GABRR3: variants seen among roughly 807,000 people sequenced by gnomAD.
GABRR3 encodes gamma-aminobutyric acid receptor subunit rho-3.
In GABRR3, 29 loss-of-function variants were observed where a neutral mutation model predicts 43.2. The observed-to-expected ratio is 0.67, with a 90% CI of 0.50 to 0.92. GABRR3 has a LOEUF of 0.92. Among genes scored for constraint, GABRR3 ranks in the 40% least tolerant of loss-of-function variants. GABRR3 has a pLI of 0.00. For missense variants in GABRR3, 576 were observed against 572.3 expected (o/e 1.01, Z -0.07); for synonymous variants, 206 against 195.9 (o/e 1.05, Z -0.43).
chr3:97,986,901 G>A lies in GABRR3; in HGVS notation c.1186C>T (p.Gln396Ter), dbSNP rs1706394101. ...TCTGAGTTTAGAGAGAGGGAAGTCT[G>A]GTCCATGTCAATCTCGCTGTCATGG... The change falls in exon 10 of 10, where the codon CAG (glutamine) becomes TAG (stop). Residue 396 changes from glutamine (Q) to a stop codon, truncating the protein, a stop_gained. Coordinates refer to ENST00000621172, the Ensembl canonical transcript of GABRR3. LOFTEE classifies it high-confidence loss of function. 2.5e-6 allele frequency: 4 copies of A among 1,611,384 alleles called. No individual in the cohort carries two copies. Among genetic ancestry groups the A allele is most frequent in the Non-Finnish European group, 8.5e-7 (1 of 1,178,734 alleles).
chr3:98,001,908 G>T, intron 7 of GABRR3, 141 bp from the exon 8 acceptor site: 1 of 773,200 alleles, frequency 1.3e-6, no homozygotes, highest in Non-Finnish European at 2.1e-6. Context: ...GTTGGGCCTG[G>T]CACTCCATCA....
intron 4 of GABRR3, 23 bp from the exon 5 acceptor site, chr3:98,012,590 C>CAA (rs11426005): frequency 5.1e-5 from 77 of 1,523,410 alleles, no homozygotes; most frequent in Admixed American, 1.9e-4. Context: ...AAAAAGAGAC[C>CAA]AAAAAAACCA....
intron 7 of GABRR3, among the ~76,000 whole-genome samples, chr3:98,005,257 T>C (rs1706711391): frequency 6.6e-6 from 1 of 151,472 alleles, no homozygotes. Context: ...TGCACAGATA[T>C]GTATATAAGC....
chr3:97,992,777 T>A (rs1224581755), intron 9 of GABRR3, 75 bp downstream of exon 9: 1 of 1,365,202 alleles, frequency 7.3e-7, no homozygotes, highest in Non-Finnish European at 1.0e-6. Flanking sequence ...TACAACACTG[T>A]CAAGAGAGGG....
At chr3:98,027,720 A>G (rs1190938339) in intron 2 of GABRR3, among the ~76,000 whole-genome samples, 1 of 152,246 alleles carries the variant, frequency 6.6e-6, no homozygotes, top group Non-Finnish European at 1.5e-5. Context: ...TGTTGCTTAA[A>G]TACGCTTTTA....
At chr3:98,034,898 T>G in exon 2 of GABRR3, 1 of 1,613,170 alleles carries the variant, frequency 6.2e-7, no homozygotes, top group Non-Finnish European at 8.5e-7. Flanking sequence ...ACCGCTGGTG[T>G]GTCATCTTGA....
At chr3:98,011,049 G>A (rs1243702040) in intron 5 of GABRR3, among the ~76,000 whole-genome samples, 2 of 152,150 alleles carry the variant, frequency 1.3e-5, no homozygotes, top group African/African-American at 2.4e-5. Flanking sequence ...GCAGTGAGCT[G>A]AGATTGTGCC....
At position 97,993,050 on chromosome 3, in the gene GABRR3, T is replaced by C; in HGVS notation, c.908-2A>G. The C allele has an allele frequency of 6.3e-7, 1 of 1,586,128 alleles. No individual in the cohort carries two copies. Among genetic ancestry groups the C allele is most frequent in the Non-Finnish European group, 8.6e-7 (1 of 1,164,666 alleles). On this transcript the variant is annotated splice_acceptor_variant, in intron 8 of 9. Coordinates refer to ENST00000621172, the Ensembl canonical transcript of GABRR3. LOFTEE classifies it high-confidence loss of function. The stretch of plus-strand genomic sequence containing the variant: ...ACATGGTCAGCACTGTGGTGATTCC[T>C]GCCATTTGAGAATAGTGGCAAGCTC...
At chr3:97,989,130 ATGG>A (rs1706428478) in intron 9 of GABRR3, among the ~76,000 whole-genome samples, 1 of 139,658 alleles carries the variant, frequency 7.2e-6, no homozygotes, top group African/African-American at 2.7e-5. Context: ...GTGTTGGATA[ATGG>A]TGGTGGGTGA....
intron 3 of GABRR3, among the ~76,000 whole-genome samples, chr3:98,020,532 G>A (rs1457100800): frequency 1.3e-5 from 2 of 150,242 alleles, no homozygotes; most frequent in Admixed American, 6.6e-5. Flanking sequence ...AAATCAGAGA[G>A]CAACTTGCAG....
intron 2 of GABRR3, 94 bp downstream of exon 2, chr3:98,034,769 A>T (rs1050959086): frequency 6.9e-6 from 10 of 1,455,952 alleles, no homozygotes; most frequent in Non-Finnish European, 8.5e-6. Context: ...ATGTGCTACC[A>T]TTAAAGATAC....
intron 2 of GABRR3, among the ~76,000 whole-genome samples, chr3:98,033,149 C>T (rs918595186): frequency 1.3e-5 from 2 of 152,102 alleles, no homozygotes; most frequent in Non-Finnish European, 2.9e-5. Context: ...ACTTCTGGAC[C>T]AGTGTGATGG....
intron 8 of GABRR3, chr3:97,997,441 T>C (rs562919529): frequency 2.0e-5 from 3 of 152,290 alleles, no homozygotes; most frequent in South Asian, 4.1e-4. Context: ...AAAAGCTATT[T>C]ATTTATATTT....
chr3:98,001,783 A>G lies in GABRR3; in HGVS notation c.755-16T>C, dbSNP rs377326407. ...TTGTACCAACCTGTGGAAAAAAGCC[A>G]AAGTTTTCATTAGAGCAAGCTTCCC... On this transcript the variant is annotated splice_polypyrimidine_tract_variant and intron_variant, in intron 7 of 9. Transcript: ENST00000621172. The G allele has an allele frequency of 1.9e-5, 30 of 1,612,326 alleles. No homozygotes were observed. The highest frequency in any genetic ancestry group is 2.4e-5 in the Non-Finnish European group (28 of 1,179,020).
At chr3:98,026,308 A>G (rs1707015581) in intron 2 of GABRR3, among the ~76,000 whole-genome samples, 2 of 152,178 alleles carry the variant, frequency 1.3e-5, no homozygotes, top group South Asian at 4.1e-4. Flanking sequence ...CAAATTGTGA[A>G]GTAGGTGATG....
intron 3 of GABRR3, among the ~76,000 whole-genome samples, chr3:98,021,237 C>G (rs954722027): frequency 6.6e-6 from 1 of 152,040 alleles, no homozygotes; most frequent in African/African-American, 2.4e-5. Context: ...GTATTACGCT[C>G]TAGCATTCTT....
intron 2 of GABRR3, among the ~76,000 whole-genome samples, chr3:98,032,660 A>T (rs574278384): frequency 6.6e-6 from 1 of 152,272 alleles, no homozygotes; most frequent in Admixed American, 6.5e-5. Context: ...ATATTTTTTT[A>T]AAGTCTTTAG....
downstream of GABRR3, among the ~76,000 whole-genome samples, chr3:97,985,991 C>A (rs1438321181): frequency 6.6e-6 from 1 of 152,086 alleles, no homozygotes; most frequent in Non-Finnish European, 1.5e-5. Context: ...CTCAGCCTCC[C>A]AAGTAGCACA....
At chr3:97,999,226 C>T (rs765159248) in intron 8 of GABRR3, 3 of 151,920 alleles carry the variant, frequency 2.0e-5, no homozygotes, top group Non-Finnish European at 2.9e-5. Flanking sequence ...GGGTTTGTCA[C>T]GAAAAGCTAA....
Sources: gnomAD v4.1 joint callset for allele counts (sites outside exome capture counted in the v4.1 genomes callset) on GRCh38, gnomAD v4.1.1 for gene constraint, MANE v1.5 for transcripts, NCBI Gene and HGNC (gene_info 2026-07-23, HGNC 2026-07-21) for gene names.